The following LAMA1 variants were observed in gnomAD, a reference collection of about 807,000 sequenced individuals.
LAMA1 encodes laminin subunit alpha 1.
In LAMA1, 219 loss-of-function variants were observed where a neutral mutation model predicts 348.7. The ratio of observed to expected loss-of-function variants is 0.63; its 90% CI spans 0.56 to 0.70. The LOEUF (loss-of-function observed/expected upper bound fraction) is 0.70, where lower values mean the gene tolerates loss of function less well. Among genes scored for constraint, LAMA1 ranks in the 30% least tolerant of loss-of-function variants. LAMA1 has a pLI of 0.00. For synonymous variants in LAMA1, 1,487 were observed against 1,491.0 expected (o/e 1.00, Z 0.06); for missense variants, 3,744 against 3,888.0 (o/e 0.96, Z 0.99).
At chr18:6,947,547 C>T (rs2057527632) in intron 60 of LAMA1, among the ~76,000 whole-genome samples, 1 of 152,174 alleles carries the variant, frequency 6.6e-6, no homozygotes, top group Admixed American at 6.5e-5. Context: ...TCATCTGTGG[C>T]CACAGAAGCA....
intron 14 of LAMA1, among the ~76,000 whole-genome samples, chr18:7,034,119 G>A (rs894611588): frequency 2.0e-5 from 3 of 152,156 alleles, no homozygotes; most frequent in African/African-American, 4.8e-5. Context: ...CGATGGATAC[G>A]TTCACTTAAA....
In LAMA1 at chr18:6,971,870, C is replaced by T; in HGVS notation, c.6886G>A (p.Gly2296Arg). The T allele has an allele frequency of 6.2e-7, 1 of 1,614,090 alleles. No individual in the cohort carries two copies. The highest frequency in any genetic ancestry group is 1.6e-4 in the Middle Eastern group (1 of 6,062). The change falls in exon 48 of 63, where the codon GGG (glycine) becomes AGG (arginine). Residue 2296 changes from glycine (G) to arginine (R), a missense_variant. By Grantham distance (125) the Gly-to-Arg change is moderately radical (BLOSUM62 -2). This residue lies in a region of LAMA1 where 1,983 missense variants were observed against 1,934.3 expected (regional missense o/e 1.03). Coordinates refer to ENST00000389658, the MANE Select transcript of LAMA1 (RefSeq NM_005559.4). ...ACGACATCTTACCTTCCGAAGCACCCACGGCACTTGCCTTCCCTTTCAATA... is the reference window on the plus strand; with the variant it reads ...ACGACATCTTACCTTCCGAAGCACCTACGGCACTTGCCTTCCCTTTCAATA... ...NYIEREGKCR[G>R]CFGSSQNEDP...
intron 39 of LAMA1, among the ~76,000 whole-genome samples, chr18:6,984,053 G>A (rs1375033462): frequency 6.6e-6 from 1 of 152,136 alleles, no homozygotes; most frequent in Admixed American, 6.5e-5. Context: ...AAGTAATAAA[G>A]ATTTTGTTTT....
chr18:7,016,380 A>T, intron 21 of LAMA1, 111 bp downstream of exon 21: 1 of 1,165,708 alleles, frequency 8.6e-7, no homozygotes, highest in Admixed American at 1.8e-5. Flanking sequence ...CTCCAGGGAA[A>T]GAAGAGAAAA....
intron 19 of LAMA1, among the ~76,000 whole-genome samples, chr18:7,022,538 CAAAAT>C (rs1170467135): frequency 2.0e-5 from 3 of 152,166 alleles, no homozygotes; most frequent in African/African-American, 4.8e-5. Context: ...ATGAAATACT[CAAAAT>C]AATTTATAAT....
At chr18:6,978,460 G>A (rs1455584118) in intron 42 of LAMA1, 82 bp from the exon 43 acceptor site, 10 of 1,260,152 alleles carry the variant, frequency 7.9e-6, no homozygotes, top group Admixed American at 1.7e-5. Flanking sequence ...ATGTAATTTC[G>A]CACAGAAATA....
chr18:6,975,671 C>T (rs1035005431), intron 45 of LAMA1, among the ~76,000 whole-genome samples: 5 of 152,094 alleles, frequency 3.3e-5, no homozygotes, highest in African/African-American at 4.8e-5. Context: ...CAGGGGTCAA[C>T]GGGGGAATCA....
intron 3 of LAMA1, among the ~76,000 whole-genome samples, chr18:7,072,052 T>G (rs777061018): frequency 6.6e-6 from 1 of 151,640 alleles, no homozygotes; most frequent in East Asian, 1.9e-4. Flanking sequence ...GAAGAGATGA[T>G]GTGTTTCTGC....
rs1173379873 is a variant in LAMA1, at chr18:7,034,667, T to C, written c.1863A>G (p.Thr621=). ...IIKGNGLTLS[T]QAEGLSLQPY... ...GCTGCAATGACAGACCCTCAGCCTG[T>C]GTGCTTAAAGTGAGTCCGTTTCCCT... Residue 621 remains threonine (T), a synonymous_variant, in exon 14 of 63, where the codon ACA becomes ACG. Transcript: ENST00000389658. 1.2e-6 allele frequency: 2 copies of C among 1,614,012 alleles called. No homozygotes were observed. The highest frequency in any genetic ancestry group is 1.7e-6 in the Non-Finnish European group (2 of 1,179,984).
intron 47 of LAMA1, among the ~76,000 whole-genome samples, chr18:6,972,566 T>G (rs1310138277): frequency 6.6e-6 from 1 of 152,240 alleles, no homozygotes; most frequent in Non-Finnish European, 1.5e-5. Flanking sequence ...ATGCTACTGA[T>G]GAAGCATCAC....
intron 18 of LAMA1, 95 bp from the exon 19 acceptor site, chr18:7,023,470 C>A (rs764278832): frequency 9.1e-6 from 9 of 990,826 alleles, no homozygotes; most frequent in Admixed American, 1.8e-5. Context: ...ATAAATCAGA[C>A]GGACTCTGTT....
At chr18:7,063,096 G>A (rs1288624725) in intron 3 of LAMA1, among the ~76,000 whole-genome samples, 1 of 152,102 alleles carries the variant, frequency 6.6e-6, no homozygotes, top group Non-Finnish European at 1.5e-5. Context: ...ACAACACCCA[G>A]AAACAATAAT....
intron 55 of LAMA1, chr18:6,957,352 T>A (rs987562191): frequency 6.3e-6 from 1 of 157,562 alleles, no homozygotes; most frequent in Admixed American, 6.0e-5. Context: ...CATGAATGAA[T>A]GAATGAATGA....
chr18:7,100,075 A>AAAAAAAAAAC (rs2058285543), intron 1 of LAMA1, among the ~76,000 whole-genome samples: 1 of 151,122 alleles, frequency 6.6e-6, no homozygotes, highest in Non-Finnish European at 1.5e-5. Context: ...AAAAAAAAAA[A>AAAAAAAAAAC]AAAAAAAGAC....
chr18:6,977,076 T>C (rs1454780102), intron 44 of LAMA1, among the ~76,000 whole-genome samples: 2 of 152,218 alleles, frequency 1.3e-5, no homozygotes, highest in Non-Finnish European at 2.9e-5. Context: ...GCCCAGAGGC[T>C]GCATTCATCC....
intron 19 of LAMA1, among the ~76,000 whole-genome samples, chr18:7,017,734 C>T (rs1309500330): frequency 6.6e-6 from 1 of 152,066 alleles, no homozygotes; most frequent in African/African-American, 2.4e-5. Flanking sequence ...AGCCATTTGC[C>T]CTGATTCCAA....
In LAMA1 at chr18:6,999,520, A is replaced by G. The variant is rs1190119115; in HGVS notation, c.4588T>C (p.Cys1530Arg). 6.2e-7 allele frequency: 1 copy of G among 1,614,156 alleles called. No individual in the cohort carries two copies. The highest frequency in any genetic ancestry group is 1.3e-5 in the African/African-American group (1 of 75,056). ...DCDRTSGQCV[C>R]RLGASGLRCD... is the part of the protein sequence containing the mutation. ...CGGAGCCCCGAGGCCCCCAGCCTGC[A>G]AACGCACTGCCCAGATGTGCGGTCA... The change falls in exon 32 of 63, where the codon TGC (cysteine) becomes CGC (arginine). Residue 1530 changes from cysteine (C) to arginine (R), a missense_variant. Coordinates refer to ENST00000389658, the MANE Select transcript of LAMA1 (RefSeq NM_005559.4).
chr18:7,014,199 G>A, intron 22 of LAMA1, 148 bp from the exon 23 acceptor site: 2 of 741,180 alleles, frequency 2.7e-6, no homozygotes, highest in Non-Finnish European at 4.7e-6. Context: ...GATTCACGTT[G>A]CCATGTGCCA....
At chr18:7,094,754 A>G (rs932841003) in intron 1 of LAMA1, among the ~76,000 whole-genome samples, 4 of 152,244 alleles carry the variant, frequency 2.6e-5, no homozygotes, top group Non-Finnish European at 5.9e-5. Flanking sequence ...AGTTCAACTC[A>G]GTAACAACCA....
Sources: gnomAD v4.1 joint callset for allele counts (sites outside exome capture counted in the v4.1 genomes callset) on GRCh38, gnomAD v4.1.1 for gene constraint, gnomAD v4.1.1 regional missense constraint, MANE v1.5 for transcripts, NCBI Gene and HGNC (gene_info 2026-07-23, HGNC 2026-07-21) for gene names.